MORC3: variants seen among roughly 807,000 people sequenced by gnomAD.
MORC3 encodes MORC family CW-type zinc finger 3.
Under a neutral mutation model 109.1 loss-of-function variants are expected in MORC3, and 31 were observed. The ratio of observed to expected loss-of-function variants is 0.28; its 90% CI spans 0.21 to 0.38. The LOEUF (loss-of-function observed/expected upper bound fraction) is 0.38, where lower values mean the gene tolerates loss of function less well. Ranked by LOEUF, MORC3 falls within the 10% of genes least tolerant of loss-of-function variation. The pLI is 1.00. For synonymous variants in MORC3, 395 were observed against 380.7 expected (o/e 1.04, Z -0.44); for missense variants, 867 against 1,135.8 (o/e 0.76, Z 3.40).
chr21:36,335,536 G>A (rs780128974), intron 2 of MORC3, among the ~76,000 whole-genome samples: 17 of 151,926 alleles, frequency 1.1e-4, no homozygotes, highest in Non-Finnish European at 4.4e-5. Flanking sequence ...GGCTTGTCTC[G>A]AACTCCTGAC....
intron 9 of MORC3, among the ~76,000 whole-genome samples, chr21:36,355,975 A>G (rs890190181): frequency 6.6e-6 from 1 of 152,174 alleles, no homozygotes; most frequent in African/African-American, 2.4e-5. Context: ...CAAGGTTTAC[A>G]GTATTGCACT....
At position 36,359,940 on chromosome 21, in the gene MORC3, C is replaced by T; in HGVS notation, c.1209-15C>T. 10 of 1,613,820 alleles carry T rather than the reference C, an allele frequency of 6.2e-6. No homozygotes were observed. Among genetic ancestry groups the T allele is most frequent in the Non-Finnish European group, 7.6e-6 (9 of 1,179,864 alleles). ...CATATTTCTGTGTTAATATTTTGTT[C>T]TTGTTTTGGGACAGGAAGCGTCCTG... is the stretch of plus-strand genomic sequence containing the variant. On this transcript the variant is annotated splice_polypyrimidine_tract_variant and intron_variant, in intron 10 of 16. Transcript: ENST00000400485.
chr21:36,373,574 G>C (rs1414986239), intron 16 of MORC3, among the ~76,000 whole-genome samples: 1 of 151,760 alleles, frequency 6.6e-6, no homozygotes, highest in African/African-American at 2.4e-5. Context: ...AGTGAGCCAA[G>C]ATCGCGCCAT....
chr21:36,344,032 A>G (rs1038094570), intron 6 of MORC3, among the ~76,000 whole-genome samples: 1 of 152,194 alleles, frequency 6.6e-6, no homozygotes, highest in African/African-American at 2.4e-5. Flanking sequence ...AGTACACTAC[A>G]AAATACAGTG....
intron 1 of MORC3, among the ~76,000 whole-genome samples, chr21:36,327,229 T>A (rs996454542): frequency 4.5e-5 from 6 of 134,128 alleles, no homozygotes; most frequent in Non-Finnish European, 9.2e-5. Flanking sequence ...ATCTCTCAGC[T>A]CACTGCAACC....
intron 9 of MORC3, among the ~76,000 whole-genome samples, chr21:36,351,399 T>G (rs1031725842): frequency 6.6e-6 from 1 of 152,144 alleles, no homozygotes; most frequent in Non-Finnish European, 1.5e-5. Flanking sequence ...ATACTGTATC[T>G]TATTCCTTCT....
chr21:36,328,751 A>T (rs940564645), intron 1 of MORC3, among the ~76,000 whole-genome samples: 3 of 152,082 alleles, frequency 2.0e-5, no homozygotes, highest in African/African-American at 7.2e-5. Flanking sequence ...TGCTGGGATT[A>T]CAGGTGTGAG....
chr21:36,354,739 C>T, intron 9 of MORC3, among the ~76,000 whole-genome samples: 1 of 152,308 alleles, frequency 6.6e-6, no homozygotes, highest in East Asian at 1.9e-4. Flanking sequence ...TTGGAACCCA[C>T]CTTCTGGATT....
intron 5 of MORC3, 96 bp downstream of exon 5, chr21:36,339,017 C>A: frequency 7.4e-7 from 1 of 1,357,796 alleles, no homozygotes; most frequent in Non-Finnish European, 1.0e-6. Flanking sequence ...AGTAGAAATA[C>A]ATGGAAAGGT....
At chr21:36,335,997 C>CTCAT (rs1255510974) in intron 2 of MORC3, among the ~76,000 whole-genome samples, 2 of 152,028 alleles carry the variant, frequency 1.3e-5, no homozygotes, top group Admixed American at 6.6e-5. Flanking sequence ...GCTATCTCAG[C>CTCAT]TCATTGCAAC....
intron 14 of MORC3, among the ~76,000 whole-genome samples, chr21:36,365,770 C>T (rs1042019394): frequency 6.6e-6 from 1 of 152,018 alleles, no homozygotes; most frequent in African/African-American, 2.4e-5. Flanking sequence ...TTAGTAGAGA[C>T]AGGTTTTCAC....
intron 1 of MORC3, among the ~76,000 whole-genome samples, chr21:36,330,426 A>G (rs1047955447): frequency 1.3e-5 from 2 of 152,176 alleles, no homozygotes; most frequent in Admixed American, 1.3e-4. Flanking sequence ...AAATTTACCT[A>G]TAGCCTGGAA....
In MORC3 at chr21:36,336,939, C is replaced by T; in HGVS notation, c.178C>T (p.His60Tyr). The T allele has an allele frequency of 1.2e-6, 2 of 1,612,244 alleles. No homozygotes were observed. The highest frequency in any genetic ancestry group is 2.2e-5 in the East Asian group (1 of 44,740). ...GATTGACAAAACAGTGATAAATGAC[C>T]ATATATGCTTGACATTCACCGACAA... ...IWIDKTVIND[H>Y]ICLTFTDNGN... The change falls in exon 3 of 17, where the codon CAT (histidine) becomes TAT (tyrosine). Residue 60 changes from histidine (H) to tyrosine (Y), a missense_variant. His to Tyr is a moderately conservative substitution (Grantham distance 83, BLOSUM62 2). Transcript: ENST00000400485.
chr21:36,351,105 A>C (rs2085566710), intron 9 of MORC3, among the ~76,000 whole-genome samples: 1 of 116,268 alleles, frequency 8.6e-6, no homozygotes, highest in South Asian at 2.6e-4. Context: ...TCACTCTGTC[A>C]CTAGGCTGGA....
At position 36,338,788 on chromosome 21, in the gene MORC3, T is replaced by C; in HGVS notation, c.475T>C (p.Leu159=). The change falls in exon 5 of 17, where the codon TTA becomes CTA. Residue 159 remains leucine, a synonymous_variant. Coordinates refer to ENST00000400485, the MANE Select transcript of MORC3 (RefSeq NM_015358.3). ...AFNKHRQMIN[L]AESKASLAAI... ...TTATGATATACGACAGATGATTAAT[T>C]TAGCAGAATCAAAAGCCAGCCTTGC... 2 of 1,613,512 alleles carry C rather than the reference T, an allele frequency of 1.2e-6. No homozygotes were observed. The highest frequency in any genetic ancestry group is 1.1e-5 in the South Asian group (1 of 91,026).
intron 4 of MORC3, 57 bp from the exon 5 acceptor site, chr21:36,338,717 T>A: frequency 6.7e-7 from 1 of 1,483,668 alleles, no homozygotes; most frequent in Non-Finnish European, 9.2e-7. Context: ...GAGTTAGTTT[T>A]CATATTGTAA....
chr21:36,329,381 T>C (rs546932586), intron 1 of MORC3, among the ~76,000 whole-genome samples: 5 of 152,278 alleles, frequency 3.3e-5, no homozygotes, highest in Admixed American at 2.6e-4. Flanking sequence ...CCATGGGGGC[T>C]GAGGGTTGGA....
intron 15 of MORC3, among the ~76,000 whole-genome samples, chr21:36,371,274 C>T (rs926091943): frequency 6.6e-6 from 1 of 152,150 alleles, no homozygotes; most frequent in African/African-American, 2.4e-5. Context: ...GCTACTCATG[C>T]AAACACTAAT....
chr21:36,338,503 C>T (rs2085398519), intron 4 of MORC3, among the ~76,000 whole-genome samples: 1 of 151,898 alleles, frequency 6.6e-6, no homozygotes, highest in Non-Finnish European at 1.5e-5. Flanking sequence ...GCCCAAGCAA[C>T]GTAGGGAGAC....
Sources: gnomAD v4.1 joint callset for allele counts (sites outside exome capture counted in the v4.1 genomes callset) on GRCh38, gnomAD v4.1.1 for gene constraint, MANE v1.5 for transcripts, NCBI Gene and HGNC (gene_info 2026-07-23, HGNC 2026-07-21) for gene names.